The following RMST variants were observed in gnomAD, a reference collection of about 807,000 sequenced individuals.
RMST encodes rhabdomyosarcoma 2 associated transcript.
intron 5 of RMST, among the ~76,000 whole-genome samples, chr12:97,470,015 G>T (rs1873705411): frequency 6.6e-6 from 1 of 151,944 alleles, no homozygotes; most frequent in African/African-American, 2.4e-5. Flanking sequence ...TTTGCTCATT[G>T]CCCCCACAAA....
At chr12:97,506,675 GTTTTTT>G (rs780505590) in intron 10 of RMST, among the ~76,000 whole-genome samples, 1 of 76,946 alleles carries the variant, frequency 1.3e-5, no homozygotes, top group Non-Finnish European at 2.4e-5. Flanking sequence ...AGGGTAATCT[GTTTTTT>G]TTTTTTTTTT....
chr12:97,556,924 C>T (rs956578594), intron 11 of RMST, among the ~76,000 whole-genome samples: 1 of 152,138 alleles, frequency 6.6e-6, no homozygotes, highest in East Asian at 1.9e-4. Context: ...TTAATATTTA[C>T]AACACTGTAT....
intron 11 of RMST, among the ~76,000 whole-genome samples, chr12:97,553,027 T>G (rs1883411883): frequency 6.6e-6 from 1 of 152,200 alleles, no homozygotes; most frequent in Non-Finnish European, 1.5e-5. Context: ...ATCATCTCTC[T>G]GTAAATAAGA....
At chr12:97,535,721 A>T (rs1882018537) in intron 11 of RMST, among the ~76,000 whole-genome samples, 1 of 151,616 alleles carries the variant, frequency 6.6e-6, no homozygotes, top group South Asian at 2.1e-4. Context: ...GATGAATTTA[A>T]ACCATTTCCA....
At chr12:97,478,265 A>G (rs1019225386) in intron 5 of RMST, among the ~76,000 whole-genome samples, 2 of 152,226 alleles carry the variant, frequency 1.3e-5, no homozygotes, top group South Asian at 2.1e-4. Flanking sequence ...CCATAATTTT[A>G]TGACCTGAGA....
intron 10 of RMST, among the ~76,000 whole-genome samples, chr12:97,500,297 G>A (rs1041394373): frequency 6.6e-6 from 1 of 152,206 alleles, no homozygotes. Context: ...TCCTTTTGGA[G>A]AGCATCAGTG....
At chr12:97,557,718 G>T (rs1883810590) in intron 11 of RMST, among the ~76,000 whole-genome samples, 1 of 152,158 alleles carries the variant, frequency 6.6e-6, no homozygotes. Context: ...TACTGGGGTT[G>T]TTTTGCTTTG....
chr12:97,554,335 T>C (rs1883538157), intron 11 of RMST, among the ~76,000 whole-genome samples: 2 of 152,150 alleles, frequency 1.3e-5, no homozygotes, highest in African/African-American at 2.4e-5. Flanking sequence ...TTATTAATCG[T>C]ATTAATGATT....
chr12:97,515,345 A>G (rs1406182858), intron 10 of RMST, among the ~76,000 whole-genome samples: 3 of 152,152 alleles, frequency 2.0e-5, no homozygotes, highest in Non-Finnish European at 1.5e-5. Flanking sequence ...CATCTATTAT[A>G]GTCTGAATGT....
At chr12:97,538,720 G>GGTTTAAGTGA (rs1478639484) in intron 11 of RMST, among the ~76,000 whole-genome samples, 2 of 151,220 alleles carry the variant, frequency 1.3e-5, no homozygotes, top group African/African-American at 4.8e-5. Flanking sequence ...ATTTAATTTA[G>GGTTTAAGTGA]GTTTAAGTGA....
chr12:97,540,341 G>A (rs944040831), intron 11 of RMST, among the ~76,000 whole-genome samples: 6 of 151,684 alleles, frequency 4.0e-5, no homozygotes, highest in Admixed American at 1.3e-4. Flanking sequence ...GGGGCCATAA[G>A]CCCCTGAAGA....
chr12:97,564,064 T>C, intron 13 of RMST: 1 of 340,728 alleles, frequency 2.9e-6, no homozygotes, highest in Non-Finnish European at 5.9e-6. Flanking sequence ...TCTAGGTGGA[T>C]TCATATTCGT....
intron 11 of RMST, among the ~76,000 whole-genome samples, chr12:97,554,208 C>T (rs1189051496): frequency 6.6e-6 from 1 of 152,124 alleles, no homozygotes; most frequent in East Asian, 1.9e-4. Context: ...TCTGCCTCAG[C>T]CTCCCAAAGT....
At chr12:97,528,410 G>T (rs1169152023) in intron 10 of RMST, among the ~76,000 whole-genome samples, 2 of 151,822 alleles carry the variant, frequency 1.3e-5, no homozygotes, top group Admixed American at 6.6e-5. Flanking sequence ...CTTTCTTATA[G>T]ATACTATTGC....
At position 97,469,519 on chromosome 12, in the gene RMST, C is replaced by G. The variant is rs138736500; in HGVS notation, n.644+3792C>G. 1.1e-4 allele frequency among the ~76,000 whole-genome samples: 16 copies of G among 151,750 alleles called. No individual in the cohort carries two copies. In the East Asian group the frequency reaches 2.9e-3, roughly 28 times the overall value. On this transcript the variant is annotated intron_variant and non_coding_transcript_variant, in intron 5 of 13. Transcript: ENST00000640149. ...GTGCTAAGACCTTTACCTTCATTTT[C>G]TAATTTAATTTTCTCAGTCACTTTA... is the stretch of plus-strand genomic sequence containing the variant.
chr12:97,512,529 G>A (rs916271550), intron 10 of RMST, among the ~76,000 whole-genome samples: 1 of 152,136 alleles, frequency 6.6e-6, no homozygotes, highest in Non-Finnish European at 1.5e-5. Flanking sequence ...GGTTCTCCAC[G>A]TCCCCACCAG....
intron 11 of RMST, among the ~76,000 whole-genome samples, chr12:97,538,547 G>A (rs762187794): frequency 5.3e-5 from 8 of 151,230 alleles, no homozygotes; most frequent in Non-Finnish European, 7.4e-5. Flanking sequence ...CTAAATAACT[G>A]TGCTTAATGC....
chr12:97,486,503 G>A (rs1363819477), intron 5 of RMST, among the ~76,000 whole-genome samples: 1 of 152,164 alleles, frequency 6.6e-6, no homozygotes, highest in Non-Finnish European at 1.5e-5. Context: ...GGAAACATTA[G>A]AGCAGGTTTC....
intron 3 of RMST, chr12:97,463,082 A>G (rs547694131): frequency 2.7e-5 from 4 of 149,500 alleles, no homozygotes; most frequent in African/African-American, 7.3e-5. Context: ...ACAGAGACGC[A>G]CACACACACA....
Sources: gnomAD v4.1 joint callset for allele counts (sites outside exome capture counted in the v4.1 genomes callset) on GRCh38, gnomAD v4.1.1 for gene constraint, MANE v1.5 for transcripts, NCBI Gene and HGNC (gene_info 2026-07-23, HGNC 2026-07-21) for gene names.